The following CNTN6 variants were observed in gnomAD, a reference collection of about 807,000 sequenced individuals.
CNTN6 encodes the protein contactin 6, also known as contactin-6.
CNTN6 carries 137 observed loss-of-function variants against 122.8 expected under a neutral mutation model. The ratio of observed to expected loss-of-function variants is 1.12; its 90% CI spans 0.97 to 1.29. The LOEUF (loss-of-function observed/expected upper bound fraction) is 1.29, where lower values mean the gene tolerates loss of function less well. Ranked by LOEUF, CNTN6 falls within the 50% of genes most tolerant of loss-of-function variation. The pLI, the probability that CNTN6 is intolerant of heterozygous loss-of-function variation, is 0.00. For missense variants in CNTN6, 1,634 were observed against 1,223.4 expected (o/e 1.34, Z -5.01); for synonymous variants, 570 against 426.0 (o/e 1.34, Z -4.16).
intron 1 of CNTN6, among the ~76,000 whole-genome samples, chr3:1,102,440 G>A (rs1179641393): frequency 6.6e-6 from 1 of 152,212 alleles, no homozygotes; most frequent in Non-Finnish European, 1.5e-5. Flanking sequence ...AATAAATTAA[G>A]AACAGTCCTG....
intron 5 of CNTN6, 65 bp downstream of exon 5, chr3:1,278,573 AGGTCTTAGG>A: frequency 2.7e-6 from 3 of 1,121,318 alleles, no homozygotes; most frequent in Non-Finnish European, 2.6e-6. Flanking sequence ...TGAGCACATC[AGGTCTTAGG>A]CTCAGTGATC....
At chr3:1,186,605 CA>C (rs376816028) in intron 2 of CNTN6, among the ~76,000 whole-genome samples, 42 of 152,096 alleles carry the variant, frequency 2.8e-4, no homozygotes, top group African/African-American at 9.6e-4. Flanking sequence ...CTTTTATTTG[CA>C]AAGTGAAAAG....
At chr3:1,171,862 C>T (rs1402415707) in intron 2 of CNTN6, among the ~76,000 whole-genome samples, 2 of 152,162 alleles carry the variant, frequency 1.3e-5, no homozygotes, top group Non-Finnish European at 2.9e-5. Flanking sequence ...CTGCCTCAGC[C>T]TCCCAAAGTG....
intron 1 of CNTN6, among the ~76,000 whole-genome samples, chr3:1,103,305 T>G (rs2091048862): frequency 1.3e-5 from 2 of 152,198 alleles, no homozygotes; most frequent in Non-Finnish European, 2.9e-5. Flanking sequence ...TTGACAGCCC[T>G]ATATATAAAT....
chr3:1,311,639 T>G (rs1295907407), intron 7 of CNTN6, among the ~76,000 whole-genome samples: 1 of 150,716 alleles, frequency 6.6e-6, no homozygotes, highest in East Asian at 2.0e-4. Context: ...TCTGAAAATA[T>G]AGGCAAGAAA....
intron 10 of CNTN6, among the ~76,000 whole-genome samples, chr3:1,328,844 A>G (rs78718694): frequency 0.032 from 4,805 of 151,814 alleles, 128 homozygotes; most frequent in South Asian, 0.057. Context: ...ATGAAGTTGG[A>G]AAGATTCAGA....
rs761461921 is a variant in CNTN6 at position 1,220,750 on chromosome 3, A to T, written c.119A>T (p.Asp40Val). The T allele has an allele frequency of 3.0e-5, 49 of 1,612,642 alleles. No individual in the cohort carries two copies. Among genetic ancestry groups the T allele is most frequent in the Non-Finnish European group, 4.0e-5 (47 of 1,179,388 alleles). Reference protein sequence around the residue: ...QEPHDVIFPLDLSKSEVILNC... With the variant: ...QEPHDVIFPLVLSKSEVILNC... ...CCACATGATGTCATTTTTCCTTTGG[A>T]TTTATCAAAATCTGAGGTCATCCTG... Residue 40 changes from aspartate (D) to valine (V), a missense_variant, in exon 3 of 23, where the codon GAT becomes GTT. Physicochemically the swap from Asp to Val is radical, Grantham distance 152. Coordinates refer to ENST00000446702, the MANE Select transcript of CNTN6 (RefSeq NM_001289080.2).
chr3:1,278,542 G>A, intron 5 of CNTN6, 34 bp downstream of exon 5: 1 of 1,450,886 alleles, frequency 6.9e-7, no homozygotes, highest in Non-Finnish European at 9.6e-7. Flanking sequence ...TATCATCAAT[G>A]CGGTCACTTG....
At chr3:1,102,866 T>A (rs369687299) in intron 1 of CNTN6, among the ~76,000 whole-genome samples, 1 of 145,132 alleles carries the variant, frequency 6.9e-6, no homozygotes, top group East Asian at 2.0e-4. Flanking sequence ...CCAGCACTTT[T>A]GGAGGCCGAG....
intron 11 of CNTN6, among the ~76,000 whole-genome samples, chr3:1,337,247 G>T (rs1042489860): frequency 3.3e-4 from 50 of 152,240 alleles, no homozygotes; most frequent in African/African-American, 1.2e-3. Context: ...CCAATCATCT[G>T]ATCTTGTGGA....
intron 20 of CNTN6, among the ~76,000 whole-genome samples, chr3:1,392,749 C>T (rs1428160272): frequency 1.6e-4 from 22 of 141,766 alleles, no homozygotes; most frequent in African/African-American, 4.8e-4. Context: ...GGGTGAAGGA[C>T]ATGAACAGAC....
intron 2 of CNTN6, among the ~76,000 whole-genome samples, chr3:1,216,289 T>C (rs1436649507): frequency 1.3e-5 from 2 of 152,210 alleles, no homozygotes; most frequent in Non-Finnish European, 2.9e-5. Flanking sequence ...ATTCTCAGAA[T>C]GCTGTTATTT....
chr3:1,264,749 TATACA>T (rs1559648508), intron 4 of CNTN6, among the ~76,000 whole-genome samples: 3 of 152,168 alleles, frequency 2.0e-5, no homozygotes, highest in East Asian at 3.9e-4. Context: ...AATTTTGGAG[TATACA>T]ATACATTATT....
chr3:1,178,671 G>A (rs74439630), intron 2 of CNTN6, among the ~76,000 whole-genome samples: 1,805 of 152,244 alleles, frequency 0.012, 38 homozygotes, highest in African/African-American at 0.041. Context: ...CCAAAAGAGT[G>A]GAGACTAAAT....
chr3:1,278,218 TAAAA>T (rs1692764909), intron 4 of CNTN6, among the ~76,000 whole-genome samples, 191 bp from the exon 5 acceptor site: 1 of 152,182 alleles, frequency 6.6e-6, no homozygotes. Context: ...TGTGTTTAAT[TAAAA>T]AGAAAGAAAG....
intron 5 of CNTN6, among the ~76,000 whole-genome samples, chr3:1,293,712 T>C (rs1449994889): frequency 6.6e-6 from 1 of 152,130 alleles, no homozygotes; most frequent in East Asian, 1.9e-4. Context: ...CTGAAGACTT[T>C]TTTTGAGTTA....
At chr3:1,387,953 A>T in intron 20 of CNTN6, among the ~76,000 whole-genome samples, 1 of 152,028 alleles carries the variant, frequency 6.6e-6, no homozygotes, top group East Asian at 1.9e-4. Context: ...GCAGTCTGAG[A>T]TCAAACTGCA....
Position 1,174,802 on chromosome 3 carries a change from G to C in CNTN6, c.55+26739G>C, listed in dbSNP as rs186275448. Among the ~76,000 whole-genome samples, 135 of 152,284 alleles carry C rather than the reference G, an allele frequency of 8.9e-4. 1 individual carries two copies. The highest frequency in any genetic ancestry group is 3.2e-3 in the African/African-American group (133 of 41,566). The stretch of plus-strand genomic sequence containing the variant: ...TGCCAAGCACTGTGCTACAGGTAAA[G>C]CACTGAACAAAGCTGACATTGCCCC... On this transcript the variant is annotated intron_variant, in intron 2 of 22. Transcript: ENST00000446702.
chr3:1,112,801 A>C (rs2091542168), intron 1 of CNTN6, among the ~76,000 whole-genome samples: 1 of 152,108 alleles, frequency 6.6e-6, no homozygotes. Flanking sequence ...GTGTGAACCA[A>C]ATTTCCAAGG....
Sources: allele counts gnomAD v4.1 joint callset (sites outside exome capture counted in the v4.1 genomes callset), GRCh38; gene constraint gnomAD v4.1.1; transcripts MANE v1.5; gene names NCBI Gene and HGNC (gene_info 2026-07-23, HGNC 2026-07-21).